Variants in EMCN observed in about 807,000 individuals in gnomAD.
EMCN encodes endomucin, also known as MUC-14.
Under a neutral mutation model 38.4 loss-of-function variants are expected in EMCN, and 37 were observed. The ratio of observed to expected loss-of-function variants is 0.96; its 90% CI spans 0.74 to 1.27. The LOEUF (loss-of-function observed/expected upper bound fraction) is 1.27. Ranked by LOEUF, EMCN falls within the 50% of genes most tolerant of loss-of-function variation. EMCN has a pLI of 0.00. For missense variants in EMCN, 318 were observed against 302.8 expected, an observed-to-expected ratio of 1.05 and a Z score of -0.37; for synonymous variants, 95 against 100.8, an observed-to-expected ratio of 0.94 and a Z score of 0.35.
chr4:100,462,896 GT>G (rs1728220079), intron 4 of EMCN, among the ~76,000 whole-genome samples: 1 of 152,082 alleles, frequency 6.6e-6, no homozygotes, highest in Admixed American at 6.6e-5. Flanking sequence ...TGTTTCTGAA[GT>G]TTCTAGACAA....
chr4:100,424,814 A>G (rs1024618118), intron 5 of EMCN, among the ~76,000 whole-genome samples: 3 of 152,054 alleles, frequency 2.0e-5, no homozygotes, highest in Non-Finnish European at 4.4e-5. Flanking sequence ...TTCTTGGTGG[A>G]AAAGAAGGTG....
chr4:100,472,835 A>C (rs1728513323), intron 3 of EMCN, among the ~76,000 whole-genome samples: 1 of 151,844 alleles, frequency 6.6e-6, no homozygotes, highest in Non-Finnish European at 1.5e-5. Flanking sequence ...TATTAGGTGG[A>C]TGCAAATGTA....
At chr4:100,484,021 CT>C (rs1170514347) in intron 1 of EMCN, among the ~76,000 whole-genome samples, 1 of 152,092 alleles carries the variant, frequency 6.6e-6, no homozygotes, top group Non-Finnish European at 1.5e-5. Flanking sequence ...GTATTTTGTC[CT>C]GATTCTACCC....
intron 3 of EMCN, among the ~76,000 whole-genome samples, chr4:100,468,951 A>G (rs954704180): frequency 6.6e-6 from 1 of 152,054 alleles, no homozygotes; most frequent in African/African-American, 2.4e-5. Flanking sequence ...AAATAAAAGT[A>G]GAGGCATCAC....
chr4:100,477,284 C>CT lies in EMCN; in HGVS notation c.188-2176dup, dbSNP rs1199594995. ...CTTAAAAAAATTAAATTTCAAGTTT[C>CT]TTTTTTATCCTAGAAGTTCATTTTA... is the stretch of plus-strand genomic sequence containing the variant. On this transcript the variant is annotated intron_variant, in intron 2 of 11. Coordinates refer to ENST00000296420, the MANE Select transcript of EMCN (RefSeq NM_016242.4). 3.6e-4 allele frequency among the ~76,000 whole-genome samples: 55 copies of CT among 152,230 alleles called. 2 individuals are homozygous for CT. The highest frequency in any genetic ancestry group is 1.3e-3 in the African/African-American group (52 of 41,552).
At chr4:100,515,637 T>C (rs1396846178) in intron 1 of EMCN, among the ~76,000 whole-genome samples, 1 of 152,070 alleles carries the variant, frequency 6.6e-6, no homozygotes, top group Non-Finnish European at 1.5e-5. Flanking sequence ...CTTGACAGCT[T>C]GTGAATTTAA....
In EMCN at chr4:100,453,376, C is replaced by G. The variant is rs947715317; in HGVS notation, c.377-5805G>C. ...AGTGGGCAAAGGATATGAACAGACA[C>G]TTCTCAAAAGAAGACATTTATGCAG... On this transcript the variant is annotated intron_variant, in intron 4 of 11. Transcript: ENST00000296420. Among the ~76,000 whole-genome samples the G allele has an allele frequency of 3.6e-4, 55 of 152,260 alleles. 1 individual carries two copies. Among genetic ancestry groups the G allele is most frequent in the African/African-American group, 1.3e-3 (52 of 41,558 alleles).
At chr4:100,489,081 T>C (rs1397515295) in intron 1 of EMCN, among the ~76,000 whole-genome samples, 1 of 152,198 alleles carries the variant, frequency 6.6e-6, no homozygotes, top group African/African-American at 2.4e-5. Context: ...TGGAGAAACC[T>C]GGTAACCAAT....
intron 4 of EMCN, among the ~76,000 whole-genome samples, chr4:100,448,794 G>GTTT (rs1553929059): frequency 0.46 from 25,807 of 56,154 alleles, 3,676 homozygotes; most frequent in Middle Eastern, 0.54. Context: ...CTGCCTTGAA[G>GTTT]TCTTCCTTCC....
intron 4 of EMCN, among the ~76,000 whole-genome samples, chr4:100,462,015 T>G (rs2110259900): frequency 6.6e-6 from 1 of 152,290 alleles, no homozygotes; most frequent in South Asian, 2.1e-4. Context: ...AGGTCCCGGT[T>G]TCATCACTTG....
intron 11 of EMCN, among the ~76,000 whole-genome samples, chr4:100,402,897 G>A (rs1290483806): frequency 1.3e-5 from 2 of 151,584 alleles, no homozygotes; most frequent in Admixed American, 6.6e-5. Flanking sequence ...GAGCATTTTG[G>A]TAATTTAAAA....
At chr4:100,427,598 T>C (rs1421451265) in intron 5 of EMCN, among the ~76,000 whole-genome samples, 1 of 151,972 alleles carries the variant, frequency 6.6e-6, no homozygotes, top group African/African-American at 2.4e-5. Context: ...CTCTTTTCTT[T>C]CTAAATTATA....
intron 1 of EMCN, 67 bp from the exon 2 acceptor site, chr4:100,480,106 T>G (rs1728768113): frequency 1.4e-6 from 2 of 1,382,884 alleles, no homozygotes. Flanking sequence ...CTAGTATATT[T>G]AAACAAGTGT....
At chr4:100,506,414 C>A (rs115211192) in intron 1 of EMCN, among the ~76,000 whole-genome samples, 3,898 of 151,964 alleles carry the variant, frequency 0.026, 69 homozygotes, top group Non-Finnish European at 0.041. Context: ...TGAGATTAAC[C>A]CAAATGCCCA....
intron 1 of EMCN, among the ~76,000 whole-genome samples, chr4:100,488,921 T>C (rs1275649892): frequency 2.9e-4 from 44 of 152,176 alleles, no homozygotes; most frequent in Admixed American, 2.9e-3. Context: ...TGAAAGGTTG[T>C]TTTAAGTTAC....
At chr4:100,505,538 G>A (rs1729460242) in intron 1 of EMCN, among the ~76,000 whole-genome samples, 1 of 152,096 alleles carries the variant, frequency 6.6e-6, no homozygotes, top group Non-Finnish European at 1.5e-5. Flanking sequence ...TTTGGAAGGG[G>A]TAACCAGTGA....
At chr4:100,492,219 A>G (rs1729100607) in intron 1 of EMCN, among the ~76,000 whole-genome samples, 1 of 152,196 alleles carries the variant, frequency 6.6e-6, no homozygotes, top group African/African-American at 2.4e-5. Flanking sequence ...AGAAATAGAA[A>G]CAACTTAGAA....
rs774658080 is a variant in EMCN at position 100,417,170 on chromosome 4, T to G, written c.665-29A>C. The stretch of plus-strand genomic sequence containing the variant: ...GGAGAAGAGGGAGTTGTTATTAGAG[T>G]TGCAAAGAAGTTGGCTACCATAAAT... On this transcript the variant is annotated intron_variant, in intron 8 of 11. Coordinates refer to ENST00000296420, the MANE Select transcript of EMCN (RefSeq NM_016242.4). 20 of 1,613,266 alleles carry G rather than the reference T, an allele frequency of 1.2e-5. No individual in the cohort carries two copies. In the South Asian group the frequency reaches 2.2e-4, roughly 18 times the overall value.
intron 4 of EMCN, among the ~76,000 whole-genome samples, chr4:100,457,546 A>G (rs1014519516): frequency 6.6e-5 from 10 of 152,174 alleles, no homozygotes; most frequent in Admixed American, 5.9e-4. Context: ...TTCTGCAACA[A>G]TTGAGATAAT....
Sources: gnomAD v4.1 joint callset for allele counts (sites outside exome capture counted in the v4.1 genomes callset) on GRCh38, gnomAD v4.1.1 for gene constraint, MANE v1.5 for transcripts, NCBI Gene and HGNC (gene_info 2026-07-23, HGNC 2026-07-21) for gene names.